The following ATF6 variants were observed in gnomAD, a reference collection of about 807,000 sequenced individuals.
ATF6 encodes the protein cyclic AMP-dependent transcription factor ATF-6 alpha.
In ATF6, 53 loss-of-function variants were observed where a neutral mutation model predicts 83.6. That is an observed-to-expected ratio of 0.63 (90% CI 0.51 to 0.80). ATF6 has a LOEUF of 0.80. Among genes scored for constraint, ATF6 ranks in the 30% least tolerant of loss-of-function variants. ATF6 has a pLI of 0.00. For missense variants in ATF6, 744 were observed against 797.9 expected, an observed-to-expected ratio of 0.93 and a Z score of 0.81; for synonymous variants, 288 against 285.8, an observed-to-expected ratio of 1.01 and a Z score of -0.08.
intron 9 of ATF6, among the ~76,000 whole-genome samples, chr1:161,833,369 C>T (rs1436448223): frequency 1.3e-5 from 2 of 152,194 alleles, no homozygotes; most frequent in African/African-American, 4.8e-5. Flanking sequence ...CAAAGGAACG[C>T]AGCTCCTCAC....
chr1:161,922,148 A>C lies in ATF6; in HGVS notation c.1804+9768A>C, dbSNP rs146889936. ...TCTTAATTCCTACAATTCACCCTGC[A>C]TACTGCTGCCAAGATGAGTCATCCT... is the stretch of plus-strand genomic sequence containing the variant. On this transcript the variant is annotated intron_variant, in intron 15 of 15. Transcript: ENST00000367942. Among the ~76,000 whole-genome samples, 3 of 152,198 alleles carry C rather than the reference A, an allele frequency of 2.0e-5. No individual in the cohort carries two copies. The South Asian group carries it at 6.2e-4, about 32-fold the overall frequency.
intron 7 of ATF6, among the ~76,000 whole-genome samples, chr1:161,818,949 G>A (rs1685682512): frequency 6.6e-6 from 1 of 152,200 alleles, no homozygotes; most frequent in South Asian, 2.1e-4. Context: ...TGAAATAGGA[G>A]TCTGTTGCAG....
chr1:161,845,740 C>T (rs1011972812), intron 9 of ATF6, among the ~76,000 whole-genome samples: 2 of 146,544 alleles, frequency 1.4e-5, no homozygotes, highest in African/African-American at 5.2e-5. Context: ...TGTGCCACTG[C>T]ACTCCAGCCT....
intron 14 of ATF6, among the ~76,000 whole-genome samples, chr1:161,886,960 G>A (rs924712503): frequency 1.3e-5 from 2 of 152,226 alleles, no homozygotes; most frequent in Admixed American, 6.5e-5. Context: ...ATTGCAGCAA[G>A]TACCTCTACG....
chr1:161,950,384 T>C (rs1267481225), intron 15 of ATF6, among the ~76,000 whole-genome samples: 1 of 152,206 alleles, frequency 6.6e-6, no homozygotes, highest in East Asian at 1.9e-4. Context: ...CCATAGTTTT[T>C]CAGAAGAAAG....
chr1:161,870,106 A>G (rs1166975019), intron 14 of ATF6, among the ~76,000 whole-genome samples: 1 of 151,770 alleles, frequency 6.6e-6, no homozygotes, highest in Non-Finnish European at 1.5e-5. Flanking sequence ...TAAATAAATT[A>G]ATCTAACCCT....
chr1:161,769,340 C>G (rs77171816), intron 1 of ATF6, among the ~76,000 whole-genome samples: 8 of 152,218 alleles, frequency 5.3e-5, no homozygotes, highest in African/African-American at 1.9e-4. Flanking sequence ...CCCAGCTTCT[C>G]CTATTGGTAA....
At chr1:161,766,615 TCTGTC>T (rs1035236400) in intron 1 of ATF6, among the ~76,000 whole-genome samples, 173 bp downstream of exon 1, 7 of 152,316 alleles carry the variant, frequency 4.6e-5, no homozygotes, top group African/African-American at 1.4e-4. Context: ...TCGTTCGGCT[TCTGTC>T]CTGGCCACAG....
intron 15 of ATF6, among the ~76,000 whole-genome samples, chr1:161,952,131 T>C (rs1460932965): frequency 6.6e-6 from 1 of 152,084 alleles, no homozygotes; most frequent in Non-Finnish European, 1.5e-5. Context: ...TTCCCAGCAT[T>C]CTCTCCCCAA....
chr1:161,862,914 A>T (rs1429072524), intron 13 of ATF6, among the ~76,000 whole-genome samples: 1 of 152,160 alleles, frequency 6.6e-6, no homozygotes, highest in African/African-American at 2.4e-5. Flanking sequence ...CTATTTTCTG[A>T]TACTTTCATT....
At chr1:161,902,273 A>G (rs1203793924) in intron 14 of ATF6, among the ~76,000 whole-genome samples, 2 of 152,230 alleles carry the variant, frequency 1.3e-5, no homozygotes, top group African/African-American at 4.8e-5. Context: ...TGAGATAGCC[A>G]TTATGCTTCA....
At chr1:161,778,059 T>C (rs1170541240) in intron 1 of ATF6, among the ~76,000 whole-genome samples, 185 bp from the exon 2 acceptor site, 1 of 152,200 alleles carries the variant, frequency 6.6e-6, no homozygotes, top group Non-Finnish European at 1.5e-5. Flanking sequence ...AGATAAAAAT[T>C]ATGCAGAAAA....
At chr1:161,791,989 A>T in intron 5 of ATF6, 135 bp from the exon 6 acceptor site, 1 of 785,116 alleles carries the variant, frequency 1.3e-6, no homozygotes, top group African/African-American at 1.7e-5. Flanking sequence ...TACTGTAGCT[A>T]TGCTTAAACT....
At chr1:161,907,164 A>T (rs1317154611) in intron 14 of ATF6, among the ~76,000 whole-genome samples, 1 of 152,130 alleles carries the variant, frequency 6.6e-6, no homozygotes, top group African/African-American at 2.4e-5. Context: ...TAGATAAATA[A>T]CTCTGAAAGG....
chr1:161,955,550 T>C lies in ATF6; in HGVS notation c.1805-2896T>C, dbSNP rs192867741. On this transcript the variant is annotated intron_variant, in intron 15 of 15. Coordinates refer to ENST00000367942, the MANE Select transcript of ATF6 (RefSeq NM_007348.4). ...CCAGTTTGTCCTCCTTTAATTAAAA[T>C]AATTAGAGCCTCGTCAGTAATGACG... 2.3e-4 allele frequency among the ~76,000 whole-genome samples: 35 copies of C among 152,332 alleles called. No individual in the cohort carries two copies. In the East Asian group the frequency reaches 6.2e-3, roughly 27 times the overall value.
At chr1:161,781,860 G>A in intron 2 of ATF6, 52 bp from the exon 3 acceptor site, 1 of 1,216,436 alleles carries the variant, frequency 8.2e-7, no homozygotes, top group South Asian at 1.3e-5. Flanking sequence ...TTGATTTTAA[G>A]ATGTGTATGT....
intron 9 of ATF6, among the ~76,000 whole-genome samples, chr1:161,832,011 T>C (rs1458982026): frequency 6.6e-6 from 1 of 150,772 alleles, no homozygotes; most frequent in African/African-American, 2.4e-5. Context: ...ACATGTCTGC[T>C]TCTTTCCCTC....
At chr1:161,783,751 C>T (rs1020438967) in intron 3 of ATF6, among the ~76,000 whole-genome samples, 18 of 151,020 alleles carry the variant, frequency 1.2e-4, no homozygotes, top group African/African-American at 4.1e-4. Flanking sequence ...CATATATATA[C>T]ACACACACAC....
chr1:161,795,207 A>G (rs1051899449), intron 6 of ATF6, among the ~76,000 whole-genome samples: 33 of 152,320 alleles, frequency 2.2e-4, no homozygotes, highest in African/African-American at 7.5e-4. Context: ...TTAAATTCAC[A>G]TAAACAGTTA....
Sources: gnomAD v4.1 joint callset for allele counts (sites outside exome capture counted in the v4.1 genomes callset) on GRCh38, gnomAD v4.1.1 for gene constraint, MANE v1.5 for transcripts, NCBI Gene and HGNC (gene_info 2026-07-23, HGNC 2026-07-21) for gene names.